Variants in TMPRSS4 observed in about 807,000 individuals in gnomAD.
TMPRSS4 encodes the protein transmembrane protease serine 4.
Under a neutral mutation model 56.4 loss-of-function variants are expected in TMPRSS4, and 45 were observed. That is an observed-to-expected ratio of 0.80 (90% CI 0.63 to 1.02). The LOEUF (loss-of-function observed/expected upper bound fraction) is 1.02. Among genes scored for constraint, TMPRSS4 ranks in the 50% least tolerant of loss-of-function variants. The probability of loss-of-function intolerance (pLI) is 0.00; values close to 1 mark genes in which losing one functional copy is unlikely to be tolerated. For missense variants in TMPRSS4, 546 were observed against 556.7 expected (o/e 0.98, Z 0.19); for synonymous variants, 205 against 211.0 (o/e 0.97, Z 0.25).
intron 1 of TMPRSS4, among the ~76,000 whole-genome samples, chr11:118,087,035 C>T (rs600638): frequency 0.13 from 20,126 of 151,830 alleles, 1,751 homozygotes; most frequent in East Asian, 0.24. Context: ...TATTACTGGC[C>T]TCAGCAACCT....
chr11:118,079,956 C>T (rs948894500), intron 1 of TMPRSS4, among the ~76,000 whole-genome samples: 8 of 152,202 alleles, frequency 5.3e-5, no homozygotes, highest in African/African-American at 1.9e-4. Context: ...GCCTGCTCTC[C>T]TGGATCCTTT....
At position 118,118,105 on chromosome 11, in the gene TMPRSS4, A is replaced by G. The variant is rs1947658753; in HGVS notation, c.*192A>G. The G allele has an allele frequency of 6.9e-7, 1 of 1,439,148 alleles. No homozygotes were observed. The highest frequency in any genetic ancestry group is 2.6e-4 in the Middle Eastern group (1 of 3,904). The allele number at this position is 1,439,148 out of a possible 1,614,324, so 89.1% of individuals were successfully genotyped here. ...TCGCAGCCCAGAGGCGCCCAGAGGA[A>G]GTCAGCAGCCCTAGCTCGGCCACAC... On this transcript the variant is annotated 3_prime_UTR_variant, in exon 13 of 13. Coordinates refer to ENST00000437212, the MANE Select transcript of TMPRSS4 (RefSeq NM_019894.4).
rs551526615 is a variant in TMPRSS4 at position 118,092,372 on chromosome 11, G to A, written c.4-2444G>A. 3.5e-4 allele frequency among the ~76,000 whole-genome samples: 54 copies of A among 152,342 alleles called. 1 individual carries two copies. Among genetic ancestry groups the A allele is most frequent in the Admixed American group, 2.7e-3 (41 of 15,308 alleles). ...AGTTTTTAAGGATAACTTGGTGGGT[G>A]GGGGGAAGCCAGTGAGCCAGGAATG... On this transcript the variant is annotated intron_variant, in intron 1 of 12. Transcript: ENST00000437212.
intron 3 of TMPRSS4, among the ~76,000 whole-genome samples, chr11:118,101,386 C>T (rs1455525429): frequency 1.3e-5 from 2 of 152,126 alleles, no homozygotes; most frequent in African/African-American, 4.8e-5. Context: ...TCCCATCAGG[C>T]CAAGACAGAA....
At chr11:118,112,074 G>A (rs1947305789) in intron 8 of TMPRSS4, among the ~76,000 whole-genome samples, 174 bp downstream of exon 8, 1 of 152,050 alleles carries the variant, frequency 6.6e-6, no homozygotes, top group African/African-American at 2.4e-5. Context: ...TAGGCTTTTG[G>A]GTGTCTGAGC....
chr11:118,125,173 G>A, downstream of TMPRSS4: 1 of 431,258 alleles, frequency 2.3e-6, no homozygotes, highest in South Asian at 1.7e-5. Flanking sequence ...ACTTCCCCAG[G>A]GCTTCCGGGA....
intron 11 of TMPRSS4, 104 bp downstream of exon 11, chr11:118,115,384 A>T: frequency 7.2e-7 from 1 of 1,387,450 alleles, no homozygotes; most frequent in Non-Finnish European, 9.8e-7. Flanking sequence ...CTTGCATATC[A>T]TGGGCACTCA....
chr11:118,124,079 G>C (rs1947847457), downstream of TMPRSS4, among the ~76,000 whole-genome samples: 1 of 152,076 alleles, frequency 6.6e-6, no homozygotes, highest in Non-Finnish European at 1.5e-5. Flanking sequence ...ATGATGCAAA[G>C]TTGTAATTAA....
At position 118,113,520 on chromosome 11, in the gene TMPRSS4, C is replaced by T. The variant is rs983502198; in HGVS notation, c.910+85C>T. On this transcript the variant is annotated intron_variant, in intron 9 of 12. Transcript: ENST00000437212. Reference sequence around the variant, plus strand: ...CTATTAGCTCACTGACCGCCCTTGGCACATAATGTCTCCTCTCAAGTCCTC... The same window carrying T: ...CTATTAGCTCACTGACCGCCCTTGGTACATAATGTCTCCTCTCAAGTCCTC... The T allele has an allele frequency of 1.6e-5, 24 of 1,474,456 alleles. No homozygotes were observed. The East Asian group carries it at 2.3e-4, about 14-fold the overall frequency. 91.3% of individuals were successfully genotyped at this position (1,474,456 alleles called of 1,614,324 possible). A position where few individuals can be genotyped will look rare whatever the true frequency, so the allele number is the denominator to read the frequency against.
At chr11:118,103,409 G>A (rs1204636238) in intron 4 of TMPRSS4, among the ~76,000 whole-genome samples, 156 bp downstream of exon 4, 1 of 78,918 alleles carries the variant, frequency 1.3e-5, no homozygotes, top group Admixed American at 1.2e-4. Flanking sequence ...TTTTGAGGCA[G>A]AGTGCTCTGT....
rs1231354309 is a variant in TMPRSS4 at position 118,118,057 on chromosome 11, G to A, written c.*144G>A. 32 of 1,526,276 alleles carry A rather than the reference G, an allele frequency of 2.1e-5. No individual in the cohort carries two copies. The highest frequency in any genetic ancestry group is 2.4e-5 in the Non-Finnish European group (28 of 1,142,992). 94.5% of individuals were successfully genotyped at this position (1,526,276 alleles called of 1,614,324 possible). ...TCAGCATTTCTTGGAGCAGCAAAGG[G>A]CCTCAATTCCTATAAGAGACCCTCG... On this transcript the variant is annotated 3_prime_UTR_variant, in exon 13 of 13. Transcript: ENST00000437212.
chr11:118,102,341 T>C (rs1350400466), intron 3 of TMPRSS4, among the ~76,000 whole-genome samples: 1 of 152,212 alleles, frequency 6.6e-6, no homozygotes, highest in Non-Finnish European at 1.5e-5. Flanking sequence ...GCGAGGCAGA[T>C]ATTATAGATA....
At position 118,090,821 on chromosome 11, in the gene TMPRSS4, A is replaced by AACACAC. The variant is rs375243175; in HGVS notation, c.4-3973_4-3968dup. ...TCACTCTGTCACACACACACACACA[A>AACACAC]ACACACACACACACACACACACACA... On this transcript the variant is annotated intron_variant, in intron 1 of 12. Transcript: ENST00000437212. 4.8e-3 allele frequency among the ~76,000 whole-genome samples: 679 copies of AACACAC among 140,422 alleles called. 4 individuals are homozygous for AACACAC. The highest frequency in any genetic ancestry group is 0.017 in the African/African-American group (632 of 38,172). 92.1% of individuals were successfully genotyped at this position (140,422 alleles called of 152,430 possible). A position where few individuals can be genotyped will look rare whatever the true frequency, so the allele number is the denominator to read the frequency against.
intron 1 of TMPRSS4, 33 bp from the exon 2 acceptor site, chr11:118,094,783 C>T (rs767843983): frequency 1.2e-6 from 2 of 1,601,302 alleles, no homozygotes; most frequent in Non-Finnish European, 1.7e-6. Flanking sequence ...TGAGAGGCTC[C>T]CTGCCTCAAC....
rs1310309804 is a variant in TMPRSS4 at position 118,104,725 on chromosome 11, G to A, written c.345G>A (p.Val115=). The change falls in exon 5 of 13, where the codon GTG becomes GTA. Residue 115 remains valine (V), a synonymous_variant. Coordinates refer to ENST00000437212, the MANE Select transcript of TMPRSS4 (RefSeq NM_019894.4). ...RLSKDRSTLQ[V]LDSATGNWFS... ...CCAAGGACCGATCCACACTGCAGGT[G>A]CTGGACTCGGCCACAGGGAACTGGT... 1 of 1,614,190 alleles carries A rather than the reference G, an allele frequency of 6.2e-7. No individual in the cohort carries two copies. Among genetic ancestry groups the A allele is most frequent in the Non-Finnish European group, 8.5e-7 (1 of 1,180,036 alleles).
In TMPRSS4 at chr11:118,107,873, TG is replaced by T. The variant is rs747948654; in HGVS notation, c.542+1del. 3.1e-6 allele frequency: 5 copies of T among 1,613,430 alleles called. No individual in the cohort carries two copies. Among genetic ancestry groups the T allele is most frequent in the Non-Finnish European group, 2.5e-6 (3 of 1,179,816 alleles). ...AGGAGCTTCGCATGCGGAACTCAAG[TG>T]GGTAAGTGAGGGGACACCTTCTGGC... ...SQELRMRNSSGPCLSGSLVSL... is the reference protein window; with the variant it reads ...SQELRMRNSSXPCLSGSLVSL... On this transcript the variant is annotated frameshift_variant and splice_region_variant, in exon 6 of 13. Coordinates refer to ENST00000437212, the MANE Select transcript of TMPRSS4 (RefSeq NM_019894.4). LOFTEE classifies it high-confidence loss of function.
chr11:118,096,133 T>TCATGGC (rs1327453128), intron 2 of TMPRSS4, among the ~76,000 whole-genome samples: 2 of 152,190 alleles, frequency 1.3e-5, no homozygotes, highest in Admixed American at 6.5e-5. Context: ...CAAAATGTCA[T>TCATGGC]CATGGCCATG....
intron 7 of TMPRSS4, among the ~76,000 whole-genome samples, chr11:118,111,524 A>G (rs1947278206): frequency 6.6e-6 from 1 of 151,566 alleles, no homozygotes; most frequent in African/African-American, 2.4e-5. Context: ...AAAAAAAAAG[A>G]AAGAAAGAAA....
Position 118,119,227 on chromosome 11 carries a change from T to C in TMPRSS4, c.*1314T>C, listed in dbSNP as rs1947706511. The stretch of plus-strand genomic sequence containing the variant: ...ATCTGGGAGCAATACACTAAAATCT[T>C]GGGTCGAGACCTATATGAAGGCTGG... On this transcript the variant is annotated 3_prime_UTR_variant, in exon 13 of 13. Transcript: ENST00000437212. 2.0e-6 allele frequency: 2 copies of C among 985,286 alleles called. No homozygotes were observed. The highest frequency in any genetic ancestry group is 6.2e-5 in the Admixed American group (1 of 16,256). 61.0% of individuals were successfully genotyped at this position (985,286 alleles called of 1,614,324 possible). A position where few individuals can be genotyped will look rare whatever the true frequency, so the allele number is the denominator to read the frequency against.
Sources: gnomAD v4.1 joint callset for allele counts (sites outside exome capture counted in the v4.1 genomes callset) on GRCh38, gnomAD v4.1.1 for gene constraint, MANE v1.5 for transcripts, NCBI Gene and HGNC (gene_info 2026-07-23, HGNC 2026-07-21) for gene names.